Variants in TBCE observed in about 807,000 individuals in gnomAD.
TBCE encodes the protein tubulin-specific chaperone E.
Under a neutral mutation model 77.0 loss-of-function variants are expected in TBCE, and 53 were observed. That is an observed-to-expected ratio of 0.69 (90% CI 0.55 to 0.87). The LOEUF is 0.87. Ranked by LOEUF, TBCE falls within the 40% of genes least tolerant of loss-of-function variation. The pLI, the probability that TBCE is intolerant of heterozygous loss-of-function variation, is 0.00. For synonymous variants in TBCE, 235 were observed against 241.3 expected, an observed-to-expected ratio of 0.97 and a Z score of 0.24; for missense variants, 624 against 622.4, an observed-to-expected ratio of 1.00 and a Z score of -0.03.
chr1:235,371,937 G>T (rs1676989451), intron 1 of TBCE, among the ~76,000 whole-genome samples: 1 of 151,954 alleles, frequency 6.6e-6, no homozygotes, highest in South Asian at 2.1e-4. Flanking sequence ...GCCTCCCGAA[G>T]TGCTGGGATT....
At chr1:235,433,103 G>A (rs1356999836) in intron 7 of TBCE, 2 of 1,518,568 alleles carry the variant, frequency 1.3e-6, no homozygotes, top group African/African-American at 2.8e-5. Context: ...GCCAAGGCCA[G>A]TGAGGTCACG....
At chr1:235,402,353 C>T (rs1036809641) in intron 3 of TBCE, among the ~76,000 whole-genome samples, 20 of 152,158 alleles carry the variant, frequency 1.3e-4, no homozygotes, top group Middle Eastern at 6.8e-3. Context: ...TGAGCCACCA[C>T]GCCCGGCCTG....
chr1:235,418,900 A>G (rs1482523360), intron 4 of TBCE, among the ~76,000 whole-genome samples: 5 of 152,362 alleles, frequency 3.3e-5, no homozygotes, highest in Non-Finnish European at 7.3e-5. Flanking sequence ...AATAAACACC[A>G]AATGTAGTAT....
chr1:235,438,769 A>G lies in TBCE; in HGVS notation c.1117A>G (p.Ile373Val), dbSNP rs181737340. ...TTGTTTTTATGTCACATGAACATAG[A>G]TTCTCCCCGAGGAGAGGCGGAGAGC... The part of the protein sequence containing the change: ...GQLKTLNKCE[I>V]LPEERRRAEL... Residue 373 changes from isoleucine (I) to valine (V), a missense_variant and splice_region_variant, in exon 13 of 17, where the codon ATT (isoleucine) becomes GTT (valine). Coordinates refer to ENST00000642610, the MANE Select transcript of TBCE (RefSeq NM_003193.5). The G allele has an allele frequency of 6.2e-7, 1 of 1,614,174 alleles. No homozygotes were observed. The highest frequency in any genetic ancestry group is 2.2e-5 in the East Asian group (1 of 44,880).
rs188982512 is a variant in TBCE, at chr1:235,372,653, G to C, written c.-32+5149G>C. 5.5e-3 allele frequency among the ~76,000 whole-genome samples: 830 copies of C among 152,016 alleles called. 8 individuals are homozygous for C. Among genetic ancestry groups the C allele is most frequent in the African/African-American group, 0.019 (806 of 41,490 alleles). Reference sequence around the variant, plus strand: ...AGAGAGAGAGAGAGAGGCTGGGCACGGTGGCTCACGTCTGTAATTCCAGCA... The same window carrying C: ...AGAGAGAGAGAGAGAGGCTGGGCACCGTGGCTCACGTCTGTAATTCCAGCA... On this transcript the variant is annotated intron_variant, in intron 1 of 16. Coordinates refer to ENST00000642610, the MANE Select transcript of TBCE (RefSeq NM_003193.5).
intron 13 of TBCE, among the ~76,000 whole-genome samples, chr1:235,439,992 A>G (rs1411265376): frequency 2.7e-5 from 4 of 150,800 alleles, no homozygotes; most frequent in Admixed American, 2.6e-4. Flanking sequence ...ATTTTTTGAG[A>G]CGGAGCCTCG....
At chr1:235,388,222 A>G (rs1678142871) in intron 2 of TBCE, among the ~76,000 whole-genome samples, 1 of 150,696 alleles carries the variant, frequency 6.6e-6, no homozygotes, top group Non-Finnish European at 1.5e-5. Context: ...AAACTTTTAT[A>G]TAGCAGAGCT....
At position 235,435,796 on chromosome 1, in the gene TBCE, A is replaced by G. The variant is rs758310255; in HGVS notation, c.789A>G (p.Gln263=). ...AGTTATTAGATCTTTCCTCTAATCAATTAATTGATGAAAATCAGCTGTATC... is the reference window on the plus strand; with the variant it reads ...AGTTATTAGATCTTTCCTCTAATCAGTTAATTGATGAAAATCAGCTGTATC... ...TVKLLDLSSN[Q]LIDENQLYLI... is the part of the protein sequence containing the mutation. Residue 263 remains glutamine (Q), a synonymous_variant, in exon 9 of 17, where the codon CAA becomes CAG. Coordinates refer to ENST00000642610, the MANE Select transcript of TBCE (RefSeq NM_003193.5). 2.5e-5 allele frequency: 41 copies of G among 1,614,104 alleles called. No individual in the cohort carries two copies. In the East Asian group the frequency reaches 8.7e-4, roughly 34 times the overall value.
chr1:235,390,715 C>A (rs772975068), intron 2 of TBCE, among the ~76,000 whole-genome samples: 2 of 145,736 alleles, frequency 1.4e-5, no homozygotes, highest in African/African-American at 5.2e-5. Context: ...GAGCTGAGAT[C>A]GTGCCATTGC....
At chr1:235,391,416 T>C (rs370788608) in intron 2 of TBCE, among the ~76,000 whole-genome samples, 12 of 149,432 alleles carry the variant, frequency 8.0e-5, no homozygotes, top group African/African-American at 3.0e-4. Context: ...ACCTGGGACG[T>C]GGAGGTTGCA....
intron 1 of TBCE, among the ~76,000 whole-genome samples, chr1:235,379,753 A>G (rs1045787953): frequency 6.6e-6 from 1 of 151,988 alleles, no homozygotes; most frequent in Non-Finnish European, 1.5e-5. Context: ...GTTGGAGACC[A>G]GCCTGGGCAA....
intron 1 of TBCE, among the ~76,000 whole-genome samples, chr1:235,372,060 C>T (rs1677002666): frequency 2.0e-5 from 3 of 152,064 alleles, no homozygotes; most frequent in Admixed American, 2.0e-4. Context: ...GGGCTCACTG[C>T]AGCCTCGAAC....
Position 235,373,717 on chromosome 1 carries a change from C to T in TBCE, c.-32+6213C>T, listed in dbSNP as rs1312557181. On this transcript the variant is annotated intron_variant, in intron 1 of 16. Coordinates refer to ENST00000642610, the MANE Select transcript of TBCE (RefSeq NM_003193.5). ...AGGCTGAAGTGCGGTGGCGCGATCTCGGCTCACTGCAAGCTCCGCCTCCCG... is the reference window on the plus strand; with the variant it reads ...AGGCTGAAGTGCGGTGGCGCGATCTTGGCTCACTGCAAGCTCCGCCTCCCG... Among the ~76,000 whole-genome samples the T allele has an allele frequency of 3.3e-5, 5 of 151,244 alleles. No individual in the cohort carries two copies. The East Asian group carries it at 5.8e-4, about 18-fold the overall frequency.
At chr1:235,413,140 C>T (rs1434320193) in intron 3 of TBCE, among the ~76,000 whole-genome samples, 1 of 152,116 alleles carries the variant, frequency 6.6e-6, no homozygotes, top group East Asian at 1.9e-4. Flanking sequence ...TGATTTCTTT[C>T]TTTAAGAGTT....
chr1:235,417,802 G>A (rs1231158271), intron 4 of TBCE, among the ~76,000 whole-genome samples: 1 of 152,078 alleles, frequency 6.6e-6, no homozygotes. Context: ...TTGAGACAGA[G>A]TTTCACTCTT....
At chr1:235,369,274 C>T (rs1172528119) in intron 1 of TBCE, among the ~76,000 whole-genome samples, 2 of 151,316 alleles carry the variant, frequency 1.3e-5, no homozygotes, top group Non-Finnish European at 2.9e-5. Context: ...TTTGGGAGGC[C>T]GAGGTGGGTG....
Position 235,367,437 on chromosome 1 carries a change from C to T in TBCE, c.-99C>T, listed in dbSNP as rs1466113794. The T allele has an allele frequency of 2.0e-5, 3 of 152,780 alleles. No homozygotes were observed. The highest frequency in any genetic ancestry group is 7.2e-5 in the African/African-American group (3 of 41,478). 9.5% of individuals were successfully genotyped at this position (152,780 alleles called of 1,614,324 possible). ...CCTACAGCACTTCCGGCCAGAGCCT[C>T]AAGCTTCGCTGCTGGGCAGTTGGCT... On this transcript the variant is annotated 5_prime_UTR_variant, in exon 1 of 17. Coordinates refer to ENST00000642610, the MANE Select transcript of TBCE (RefSeq NM_003193.5).
intron 4 of TBCE, among the ~76,000 whole-genome samples, chr1:235,417,051 G>T (rs1680149384): frequency 6.6e-6 from 1 of 152,180 alleles, no homozygotes; most frequent in Admixed American, 6.6e-5. Flanking sequence ...TCTACTTTAA[G>T]CCATTGTCTT....
At chr1:235,382,516 G>T (rs1484393215) in intron 2 of TBCE, among the ~76,000 whole-genome samples, 1 of 152,180 alleles carries the variant, frequency 6.6e-6, no homozygotes, top group Non-Finnish European at 1.5e-5. Context: ...TCTAACTGAT[G>T]TGAGATGGTA....
Sources: allele counts gnomAD v4.1 joint callset (sites outside exome capture counted in the v4.1 genomes callset), GRCh38; gene constraint gnomAD v4.1.1; transcripts MANE v1.5; gene names NCBI Gene and HGNC (gene_info 2026-07-23, HGNC 2026-07-21).